CAB39: variants seen among roughly 807,000 people sequenced by gnomAD.
CAB39 encodes the protein calcium-binding protein 39.
Under a neutral mutation model 40.0 loss-of-function variants are expected in CAB39, and 8 were observed. That is an observed-to-expected ratio of 0.20 (90% CI 0.12 to 0.36). The LOEUF (loss-of-function observed/expected upper bound fraction) is 0.36, where lower values mean the gene tolerates loss of function less well. CAB39 is among the 10% of genes least tolerant of loss of function. The pLI is 1.00. For synonymous variants in CAB39, 156 were observed against 141.6 expected (o/e 1.10, Z -0.72); for missense variants, 270 against 401.1 (o/e 0.67, Z 2.79).
chr2:230,758,937 C>G (rs1320287647), intron 1 of CAB39, among the ~76,000 whole-genome samples: 1 of 152,114 alleles, frequency 6.6e-6, no homozygotes, highest in Non-Finnish European at 1.5e-5. Context: ...CAAGTCACTT[C>G]CATTGTTTGT....
Position 230,773,310 on chromosome 2 carries a change from A to ATGTGTGTGTG in CAB39, c.114+13196_114+13197insGTGTGTGTGT, listed in dbSNP as rs772464376. On this transcript the variant is annotated intron_variant, in intron 2 of 8. Coordinates refer to ENST00000258418, the MANE Select transcript of CAB39 (RefSeq NM_016289.4). ...CATGGGTGTATGTGTATATATATATATATATGTGTGTGTGTGTGTGTGTGT... is the reference window on the plus strand; with the variant it reads ...CATGGGTGTATGTGTATATATATATATGTGTGTGTGTATATGTGTGTGTGTGTGTGTGTGT... Among the ~76,000 whole-genome samples the ATGTGTGTGTG allele has an allele frequency of 5.3e-3, 451 of 84,464 alleles. 1 individual carries two copies. Among genetic ancestry groups the ATGTGTGTGTG allele is most frequent in the African/African-American group, 0.023 (397 of 17,262 alleles). The allele number at this position is 84,464 out of a possible 152,430, so 55.4% of individuals were successfully genotyped here.
At chr2:230,749,789 A>G (rs1398173384) in intron 1 of CAB39, among the ~76,000 whole-genome samples, 3 of 152,204 alleles carry the variant, frequency 2.0e-5, no homozygotes, top group Admixed American at 6.5e-5. Flanking sequence ...TAGAGAAGCA[A>G]TAGATTATGA....
At chr2:230,757,519 A>G (rs1380541385) in intron 1 of CAB39, among the ~76,000 whole-genome samples, 2 of 152,120 alleles carry the variant, frequency 1.3e-5, no homozygotes, top group African/African-American at 4.8e-5. Context: ...AGTATTTTAT[A>G]TATGTGTTCT....
rs926977332 is a variant in CAB39, at chr2:230,713,244, G to A, written c.-44+14G>A. 2 of 152,214 alleles carry A rather than the reference G, an allele frequency of 1.3e-5. No homozygotes were observed. Among genetic ancestry groups the A allele is most frequent in the Non-Finnish European group, 2.9e-5 (2 of 68,090 alleles). 9.4% of individuals were successfully genotyped at this position (152,214 alleles called of 1,614,324 possible). ...CGGCCCAGCCCCGTGAGTGACCCCC[G>A]GCCGGCCCTGCTCGTGGTGCGGACG... is the stretch of plus-strand genomic sequence containing the variant. On this transcript the variant is annotated intron_variant, in intron 1 of 8. Coordinates refer to ENST00000258418, the MANE Select transcript of CAB39 (RefSeq NM_016289.4).
intron 2 of CAB39, among the ~76,000 whole-genome samples, chr2:230,782,339 ATT>A (rs1695701319): frequency 2.0e-5 from 3 of 151,566 alleles, no homozygotes. Context: ...TTATTTGGTT[ATT>A]TGTTAGAAAT....
At chr2:230,774,803 A>G (rs906375389) in intron 2 of CAB39, among the ~76,000 whole-genome samples, 3 of 152,148 alleles carry the variant, frequency 2.0e-5, no homozygotes, top group African/African-American at 7.2e-5. Context: ...AAGGTTATTA[A>G]TAGACTTTCC....
At chr2:230,782,980 TTTTTTGTTTTTG>T (rs112776434) in intron 2 of CAB39, among the ~76,000 whole-genome samples, 3 of 147,836 alleles carry the variant, frequency 2.0e-5, no homozygotes, top group Admixed American at 6.7e-5. Context: ...GCCTGGCTAA[TTTTTTGTTTTTG>T]TTTTTGTTTT....
At chr2:230,747,645 G>A (rs1458704211) in intron 1 of CAB39, among the ~76,000 whole-genome samples, 2 of 152,198 alleles carry the variant, frequency 1.3e-5, no homozygotes, top group African/African-American at 4.8e-5. Context: ...GGGAAAATTA[G>A]CGCAAAATAT....
At chr2:230,815,255 C>T (rs1448686665) in intron 7 of CAB39, among the ~76,000 whole-genome samples, 1 of 152,240 alleles carries the variant, frequency 6.6e-6, no homozygotes, top group Non-Finnish European at 1.5e-5. Context: ...AGGCACAGTC[C>T]AGCCAGGCCC....
intron 7 of CAB39, among the ~76,000 whole-genome samples, chr2:230,815,817 C>T (rs1453319456): frequency 6.6e-6 from 1 of 152,178 alleles, no homozygotes; most frequent in African/African-American, 2.4e-5. Context: ...CTGTGAGTGC[C>T]CCATGAACAC....
intron 2 of CAB39, among the ~76,000 whole-genome samples, chr2:230,769,190 A>G (rs190800358): frequency 1.4e-3 from 211 of 152,348 alleles, no homozygotes; most frequent in African/African-American, 4.8e-3. Context: ...GTAGGGGTGA[A>G]ATGTTCCAAC....
chr2:230,717,920 G>A (rs1002761469), intron 1 of CAB39, among the ~76,000 whole-genome samples: 16 of 152,228 alleles, frequency 1.1e-4, no homozygotes, highest in Admixed American at 7.9e-4. Flanking sequence ...GGCTCCAAAG[G>A]AGGGAGGTAA....
At chr2:230,725,938 A>G (rs920860739) in intron 1 of CAB39, among the ~76,000 whole-genome samples, 4 of 152,222 alleles carry the variant, frequency 2.6e-5, no homozygotes, top group Admixed American at 6.5e-5. Context: ...CAGAATACCT[A>G]GCTAAGTGTT....
intron 2 of CAB39, among the ~76,000 whole-genome samples, chr2:230,762,908 G>A (rs1695319898): frequency 6.6e-6 from 1 of 152,190 alleles, no homozygotes; most frequent in South Asian, 2.1e-4. Context: ...AAAAGCAATA[G>A]AATGTACTGA....
intron 5 of CAB39, among the ~76,000 whole-genome samples, chr2:230,804,658 T>C (rs1246650897): frequency 6.6e-6 from 1 of 152,158 alleles, no homozygotes; most frequent in African/African-American, 2.4e-5. Context: ...GCTCATCATC[T>C]CTGGTCATCA....
At chr2:230,753,490 C>A (rs571481418) in intron 1 of CAB39, among the ~76,000 whole-genome samples, 22 of 152,174 alleles carry the variant, frequency 1.4e-4, no homozygotes, top group Admixed American at 5.2e-4. Context: ...CGTGGTGGCT[C>A]ACACCTGTAA....
intron 1 of CAB39, among the ~76,000 whole-genome samples, chr2:230,757,277 G>A (rs1695209221): frequency 6.6e-6 from 1 of 151,958 alleles, no homozygotes; most frequent in African/African-American, 2.4e-5. Flanking sequence ...TAAATTTTTT[G>A]TAGAGACAGG....
intron 3 of CAB39, among the ~76,000 whole-genome samples, chr2:230,792,331 TC>T (rs1378702886): frequency 6.6e-6 from 1 of 152,202 alleles, no homozygotes; most frequent in Non-Finnish European, 1.5e-5. Context: ...TTCAAAGACA[TC>T]AACTTAAAAG....
chr2:230,804,835 G>T (rs986455668), intron 5 of CAB39, among the ~76,000 whole-genome samples: 3 of 152,228 alleles, frequency 2.0e-5, no homozygotes, highest in African/African-American at 7.2e-5. Context: ...GGAAGACAGT[G>T]TGGCGATTCC....
Sources: allele counts gnomAD v4.1 joint callset (sites outside exome capture counted in the v4.1 genomes callset), GRCh38; gene constraint gnomAD v4.1.1; transcripts MANE v1.5; gene names NCBI Gene and HGNC (gene_info 2026-07-23, HGNC 2026-07-21).